Variants in ZNF324B observed in about 807,000 individuals in gnomAD.
ZNF324B encodes zinc finger protein 324B.
Under a neutral mutation model 10.6 loss-of-function variants are expected in ZNF324B, and 7 were observed. That is an observed-to-expected ratio of 0.66 (90% confidence interval 0.38 to 1.24). The LOEUF is 1.24. ZNF324B is among the 50% of genes most tolerant of loss of function. The pLI, the probability that ZNF324B is intolerant of heterozygous loss-of-function variation, is 0.02. For synonymous variants in ZNF324B, 316 were observed against 321.0 expected, an observed-to-expected ratio of 0.98 and a Z score of 0.17; for missense variants, 640 against 764.7, an observed-to-expected ratio of 0.84 and a Z score of 1.92.
intron 3 of ZNF324B, 46 bp downstream of exon 3, chr19:58,454,390 C>G: frequency 8.1e-7 from 1 of 1,236,168 alleles, no homozygotes; most frequent in Non-Finnish European, 1.2e-6. Flanking sequence ...AACCTGTGGC[C>G]AAGCCCATGT....
the ZNF324B span, chr19:58,437,260 C>T: frequency 6.5e-7 from 1 of 1,537,150 alleles, no homozygotes; most frequent in Non-Finnish European, 8.7e-7. Context: ...TATGCAGGAC[C>T]TTGCTGTGTG....
chr19:58,454,793 T>C, intron 3 of ZNF324B, among the ~76,000 whole-genome samples: 1 of 151,940 alleles, frequency 6.6e-6, no homozygotes, highest in Non-Finnish European at 1.5e-5. Flanking sequence ...TGAGCATTGG[T>C]TGGAGGTCAT....
In ZNF324B at chr19:58,456,502, G is replaced by A; in HGVS notation, c.1558G>A (p.Gly520Ser). The change falls in exon 4 of 4, where the codon GGT (glycine) becomes AGT (serine). Residue 520 changes from glycine (G) to serine (S), a missense_variant. Around this residue, in one of 3 missense-constraint regions of ZNF324B, gnomAD observed 238 missense variants for 258.0 expected, o/e 0.92. Coordinates refer to ENST00000336614, the MANE Select transcript of ZNF324B (RefSeq NM_207395.3). The surrounding 1 kb of genome is among the most constrained non-coding windows in gnomAD (Gnocchi z 4.7). ...AAAPDCTPGP[G>S]FLQGHHRKVR... ...AGCACCAGACTGCACCCCGGGGCCA[G>A]GTTTCCTTCAGGGACATCATCGGAA... is the stretch of plus-strand genomic sequence containing the variant. The A allele has an allele frequency of 6.2e-7, 1 of 1,614,254 alleles. No homozygotes were observed.
chr19:58,435,344 A>G, the ZNF324B span: 7 of 1,022,956 alleles, frequency 6.8e-6, no homozygotes, highest in Non-Finnish European at 9.8e-6. Flanking sequence ...CAGGGCCATC[A>G]TCAGGGTGAA....
chr19:58,454,782 T>A (rs1244279692), intron 3 of ZNF324B, among the ~76,000 whole-genome samples: 1 of 152,170 alleles, frequency 6.6e-6, no homozygotes, highest in African/African-American at 2.4e-5. Flanking sequence ...GAGTGCAGTC[T>A]TGAGCATTGG....
the ZNF324B span, chr19:58,442,721 C>T: frequency 7.7e-3 from 1,180 of 152,262 alleles, 67 homozygotes; most frequent in Admixed American, 0.066. Context: ...TGTTACAGCT[C>T]GTAAAGGTGG....
At chr19:58,419,857 G>A in the ZNF324B span, among the ~76,000 whole-genome samples, 1 of 152,188 alleles carries the variant, frequency 6.6e-6, no homozygotes, top group East Asian at 1.9e-4. Flanking sequence ...GTGTCACGCA[G>A]CCTGGAGTGT....
rs2052927880 is a variant in ZNF324B at position 58,456,838 on chromosome 19, G to A, written c.*259G>A. On this transcript the variant is annotated 3_prime_UTR_variant, in exon 4 of 4. Coordinates refer to ENST00000336614, the MANE Select transcript of ZNF324B (RefSeq NM_207395.3). The surrounding 1 kb of genome is among the most constrained non-coding windows in gnomAD (Gnocchi z 4.7). ...GGACATGTCAGCTGGAACTCTGGTGGGGCTGAGGCTGTAGTTGGGGCCATA... is the reference window on the plus strand; with the variant it reads ...GGACATGTCAGCTGGAACTCTGGTGAGGCTGAGGCTGTAGTTGGGGCCATA... The A allele has an allele frequency of 3.5e-6, 2 of 570,958 alleles. No homozygotes were observed. Among genetic ancestry groups the A allele is most frequent in the South Asian group, 2.3e-5 (1 of 44,036 alleles). The allele number at this position is 570,958 out of a possible 1,614,324, so 35.4% of individuals were successfully genotyped here. A position where few individuals can be genotyped will look rare whatever the true frequency, so the allele number is the denominator to read the frequency against.
chr19:58,427,452 C>CCCTTCCTTCCTT, the ZNF324B span, among the ~76,000 whole-genome samples: 61 of 47,030 alleles, frequency 1.3e-3, 6 homozygotes, highest in East Asian at 8.6e-3. Flanking sequence ...CCTTTCCTTT[C>CCCTTCCTTCCTT]CCTTCCTTCC....
intron 1 of ZNF324B, 89 bp from the exon 2 acceptor site, chr19:58,453,606 TG>T: frequency 1.3e-6 from 2 of 1,563,424 alleles, no homozygotes; most frequent in Non-Finnish European, 8.8e-7. Flanking sequence ...GGAGGGACAC[TG>T]GGGGAGGTGA....
chr19:58,438,274 C>G, the ZNF324B span, among the ~76,000 whole-genome samples: 1 of 152,182 alleles, frequency 6.6e-6, no homozygotes, highest in Admixed American at 6.5e-5. Context: ...AGTGTCCACA[C>G]ACAAGCATCC....
rs556368793 is a variant in ZNF324B, at chr19:58,455,690, C to T, written c.746C>T (p.Ala249Val). Residue 249 changes from alanine to valine, a missense_variant, in exon 4 of 4, where the codon GCT (alanine) becomes GTT (valine). By Grantham distance (64) the Ala-to-Val change is moderately conservative. Transcript: ENST00000336614. The surrounding 1 kb of genome is among the most constrained non-coding windows in gnomAD (Gnocchi z 7.0). The part of the protein sequence containing the change: ...EPSTWDELGE[A>V]LHAGEKSFEC... Reference sequence around the variant, plus strand: ...TCGACCTGGGACGAGCTGGGCGAGGCTCTTCACGCTGGGGAGAAGTCCTTC... The same window carrying T: ...TCGACCTGGGACGAGCTGGGCGAGGTTCTTCACGCTGGGGAGAAGTCCTTC... 32 of 1,613,534 alleles carry T rather than the reference C, an allele frequency of 2.0e-5. No individual in the cohort carries two copies. In the South Asian group the frequency reaches 3.3e-4, roughly 17 times the overall value.
At chr19:58,428,266 G>A in the ZNF324B span, among the ~76,000 whole-genome samples, 1 of 152,196 alleles carries the variant, frequency 6.6e-6, no homozygotes, top group Non-Finnish European at 1.5e-5. Context: ...GCCTCAGGAG[G>A]ACCCAGGGAA....
At chr19:58,427,324 T>TTTCTTTCC in the ZNF324B span, among the ~76,000 whole-genome samples, 1 of 92,608 alleles carries the variant, frequency 1.1e-5, no homozygotes, top group East Asian at 2.5e-4. Flanking sequence ...TCTTTCTTTC[T>TTTCTTTCC]TTCTTTCTTT....
chr19:58,455,323 G>C lies in ZNF324B; in HGVS notation c.379G>C (p.Gly127Arg). The change falls in exon 4 of 4, where the codon GGT becomes CGT. Residue 127 changes from glycine (G) to arginine (R), a missense_variant. Coordinates refer to ENST00000336614, the MANE Select transcript of ZNF324B (RefSeq NM_207395.3). The surrounding 1 kb of genome is among the most constrained non-coding windows in gnomAD (Gnocchi z 7.0). ...TGTAAAAAGCCTGCAGCGACAACCG[G>C]GTGCCTCCCCATCTCAGGAGAGAAA... Reference protein sequence around the residue: ...HSVKSLQRQPGASPSQERKPT... With the variant: ...HSVKSLQRQPRASPSQERKPT... 6.2e-7 allele frequency: 1 copy of C among 1,614,220 alleles called. No individual in the cohort carries two copies. Among genetic ancestry groups the C allele is most frequent in the Non-Finnish European group, 8.5e-7 (1 of 1,180,026 alleles).
At chr19:58,431,233 T>C in the ZNF324B span, 2 of 152,164 alleles carry the variant, frequency 1.3e-5, no homozygotes, top group African/African-American at 4.8e-5. Context: ...CAGCCAGGAG[T>C]ACAATCTTTG....
the ZNF324B span, chr19:58,445,166 C>A: frequency 3.5e-6 from 1 of 287,930 alleles, no homozygotes; most frequent in South Asian, 3.0e-5. Context: ...TGTACAAATG[C>A]AATAACTACA....
At chr19:58,424,101 TAGCC>T in the ZNF324B span, among the ~76,000 whole-genome samples, 2 of 150,898 alleles carry the variant, frequency 1.3e-5, no homozygotes, top group African/African-American at 2.4e-5. Flanking sequence ...AAAAAAAAAT[TAGCC>T]AGGTGTGGTG....
chr19:58,427,425 TCC>T, the ZNF324B span, among the ~76,000 whole-genome samples: 1 of 29,522 alleles, frequency 3.4e-5, no homozygotes, highest in African/African-American at 2.5e-4. Context: ...CTTCCTTCCT[TCC>T]TTCCTTCCTT....
Sources: gnomAD v4.1 joint callset for allele counts (sites outside exome capture counted in the v4.1 genomes callset) on GRCh38, gnomAD v4.1.1 for gene constraint, gnomAD v4.1.1 regional missense constraint, Gnocchi (gnomAD v3.1) non-coding constraint, MANE v1.5 for transcripts, NCBI Gene and HGNC (gene_info 2026-07-23, HGNC 2026-07-21) for gene names.